ANO10: variants seen among roughly 807,000 people sequenced by gnomAD.
ANO10 encodes the protein anoctamin-10.
A neutral mutation model predicts 74.7 loss-of-function variants in ANO10; 77 were observed. That is an observed-to-expected ratio of 1.03 (90% CI 0.86 to 1.25). ANO10 has a LOEUF of 1.25. Among genes scored for constraint, ANO10 ranks in the 50% most tolerant of loss-of-function variants. ANO10 has a pLI of 0.00. For synonymous variants in ANO10, 279 were observed against 284.9 expected, an observed-to-expected ratio of 0.98 and a Z score of 0.21; for missense variants, 721 against 778.1, an observed-to-expected ratio of 0.93 and a Z score of 0.87.
intron 8 of ANO10, among the ~76,000 whole-genome samples, chr3:43,563,024 A>C (rs1367111581): frequency 6.6e-6 from 1 of 152,232 alleles, no homozygotes; most frequent in African/African-American, 2.4e-5. Flanking sequence ...CACAGTGAAG[A>C]GACAATCTGT....
At chr3:43,485,857 T>C in intron 11 of ANO10, 1 of 284,494 alleles carries the variant, frequency 3.5e-6, no homozygotes, top group Admixed American at 4.5e-5. Flanking sequence ...CCTTGTACTC[T>C]CGTAGTGTGC....
intron 11 of ANO10, among the ~76,000 whole-genome samples, chr3:43,549,258 T>A (rs1483318107): frequency 8.0e-6 from 1 of 125,160 alleles, no homozygotes; most frequent in East Asian, 2.2e-4. Context: ...ATGAACCAAA[T>A]TACAGTACCA....
intron 12 of ANO10, among the ~76,000 whole-genome samples, chr3:43,405,881 C>A (rs1436913554): frequency 6.6e-6 from 1 of 152,126 alleles, no homozygotes; most frequent in African/African-American, 2.4e-5. Flanking sequence ...TGCTCCTTTG[C>A]CAAAAGTAAT....
intron 12 of ANO10, among the ~76,000 whole-genome samples, chr3:43,369,479 G>T (rs1227060505): frequency 6.6e-6 from 1 of 152,248 alleles, no homozygotes; most frequent in African/African-American, 2.4e-5. Flanking sequence ...CTGGAGCAAG[G>T]CTTCTTTTAA....
chr3:43,432,791 T>G (rs2093004433), intron 11 of ANO10, 64 bp from the exon 12 acceptor site: 1 of 1,074,112 alleles, frequency 9.3e-7, no homozygotes, highest in African/African-American at 1.6e-5. Flanking sequence ...GGAAATAAAT[T>G]GATATCTAAG....
intron 1 of ANO10, among the ~76,000 whole-genome samples, chr3:43,672,094 G>C (rs767522014): frequency 6.6e-6 from 1 of 152,166 alleles, no homozygotes; most frequent in South Asian, 2.1e-4. Context: ...TGCTGGGAAT[G>C]TCTAATCCAT....
At chr3:43,497,106 T>C (rs1450919851) in intron 11 of ANO10, among the ~76,000 whole-genome samples, 1 of 152,190 alleles carries the variant, frequency 6.6e-6, no homozygotes, top group Non-Finnish European at 1.5e-5. Flanking sequence ...CTTTTTCTTA[T>C]TCTGTCACAT....
chr3:43,664,657 T>G (rs1381493510), intron 1 of ANO10, among the ~76,000 whole-genome samples: 1 of 152,062 alleles, frequency 6.6e-6, no homozygotes, highest in Admixed American at 6.6e-5. Context: ...ATATCCAGAA[T>G]CTACAAAGAA....
chr3:43,482,252 A>G (rs775664880), intron 11 of ANO10, among the ~76,000 whole-genome samples: 10 of 152,104 alleles, frequency 6.6e-5, no homozygotes, highest in Admixed American at 4.6e-4. Flanking sequence ...GTCTCCCTAT[A>G]ATGTATAAAA....
chr3:43,529,189 G>A (rs533603435), intron 11 of ANO10, among the ~76,000 whole-genome samples: 18 of 152,288 alleles, frequency 1.2e-4, no homozygotes, highest in African/African-American at 4.1e-4. Context: ...TCACATCAGA[G>A]TTTGACAGCA....
intron 7 of ANO10, among the ~76,000 whole-genome samples, chr3:43,568,125 A>G (rs2080475206): frequency 6.6e-6 from 1 of 151,380 alleles, no homozygotes; most frequent in Non-Finnish European, 1.5e-5. Flanking sequence ...ATTCGACAAG[A>G]AGAGCTAACT....
At chr3:43,530,924 A>G (rs938430039) in intron 11 of ANO10, among the ~76,000 whole-genome samples, 3 of 152,212 alleles carry the variant, frequency 2.0e-5, no homozygotes, top group South Asian at 2.1e-4. Context: ...CATTACACTG[A>G]TAAGAGAGGA....
chr3:43,508,068 T>TA (rs1189979519), intron 11 of ANO10, among the ~76,000 whole-genome samples: 1 of 151,434 alleles, frequency 6.6e-6, no homozygotes, highest in Non-Finnish European at 1.5e-5. Flanking sequence ...GAAGAGGGAG[T>TA]AAAAGTCAAG....
chr3:43,454,427 AC>A (rs1325449718), intron 11 of ANO10, among the ~76,000 whole-genome samples: 9 of 152,192 alleles, frequency 5.9e-5, no homozygotes, highest in African/African-American at 2.2e-4. Flanking sequence ...TTGAGACCAG[AC>A]AAAAGCAGAA....
chr3:43,395,530 T>C (rs1354572720), intron 12 of ANO10, among the ~76,000 whole-genome samples: 1 of 152,342 alleles, frequency 6.6e-6, no homozygotes, highest in Non-Finnish European at 1.5e-5. Context: ...CAGAACCGTT[T>C]ATTGAAAAGA....
chr3:43,429,754 G>A (rs2092953803), intron 12 of ANO10, among the ~76,000 whole-genome samples: 1 of 152,198 alleles, frequency 6.6e-6, no homozygotes, highest in Admixed American at 6.5e-5. Flanking sequence ...TTTTAAAAAA[G>A]CAGGTTACTG....
chr3:43,629,230 G>A (rs541989385), intron 1 of ANO10, among the ~76,000 whole-genome samples: 176 of 152,252 alleles, frequency 1.2e-3, no homozygotes, highest in African/African-American at 3.9e-3. Flanking sequence ...CAGGTTCCCC[G>A]ATAAGGAGGA....
chr3:43,488,785 G>A (rs1204225491), intron 11 of ANO10, among the ~76,000 whole-genome samples: 12 of 152,142 alleles, frequency 7.9e-5, no homozygotes, highest in African/African-American at 2.4e-4. Flanking sequence ...ATCTAGAACT[G>A]GAAATACCAT....
At chr3:43,401,635 T>G (rs1039694150) in intron 12 of ANO10, among the ~76,000 whole-genome samples, 6 of 152,244 alleles carry the variant, frequency 3.9e-5, no homozygotes, top group Non-Finnish European at 8.8e-5. Flanking sequence ...TTGGAAAAAT[T>G]AATGAATTAA....
Sources: gnomAD v4.1 joint callset for allele counts (sites outside exome capture counted in the v4.1 genomes callset) on GRCh38, gnomAD v4.1.1 for gene constraint, MANE v1.5 for transcripts, NCBI Gene and HGNC (gene_info 2026-07-23, HGNC 2026-07-21) for gene names.